GALM: variants seen among roughly 807,000 people sequenced by gnomAD.
GALM encodes the protein galactose mutarotase, also known as aldose 1-epimerase.
A neutral mutation model predicts 37.4 loss-of-function variants in GALM; 43 were observed. That is an observed-to-expected ratio of 1.15 (90% CI 0.90 to 1.48). The LOEUF (loss-of-function observed/expected upper bound fraction) is 1.48. GALM is among the 40% of genes most tolerant of loss of function. The probability of loss-of-function intolerance (pLI) is 0.00; values close to 1 mark genes in which losing one functional copy is unlikely to be tolerated. For synonymous variants in GALM, 199 were observed against 170.6 expected (o/e 1.17, Z -1.30); for missense variants, 456 against 419.1 (o/e 1.09, Z -0.77).
intron 1 of GALM, chr2:38,669,266 A>T (rs749704932): frequency 2.0e-5 from 3 of 152,350 alleles, no homozygotes; most frequent in East Asian, 3.9e-4. Flanking sequence ...CAGTTATGTT[A>T]TCTATAGATT....
intron 4 of GALM, among the ~76,000 whole-genome samples, chr2:38,704,348 C>G (rs1051518817): frequency 6.6e-6 from 1 of 151,910 alleles, no homozygotes; most frequent in African/African-American, 2.4e-5. Flanking sequence ...ACAGGCATGC[C>G]CCCATCATGC....
In GALM at chr2:38,733,631, G is replaced by C; in HGVS notation, c.*66G>C. On this transcript the variant is annotated 3_prime_UTR_variant, in exon 7 of 7. Transcript: ENST00000272252. ...CCACCTGTCTCCTGTCCAGAAAAAA[G>C]GTGAAGATTAAGAAGCTTTCAGAAT... is the stretch of plus-strand genomic sequence containing the variant. 8.6e-7 allele frequency: 1 copy of C among 1,163,328 alleles called. No individual in the cohort carries two copies. Among genetic ancestry groups the C allele is most frequent in the Non-Finnish European group, 1.3e-6 (1 of 771,230 alleles). The allele number at this position is 1,163,328 out of a possible 1,614,324, so 72.1% of individuals were successfully genotyped here.
At chr2:38,703,782 G>A (rs1327355781) in intron 4 of GALM, among the ~76,000 whole-genome samples, 1 of 152,164 alleles carries the variant, frequency 6.6e-6, no homozygotes, top group Non-Finnish European at 1.5e-5. Context: ...GGAGGCTGAG[G>A]TGGGCAGATT....
intron 4 of GALM, among the ~76,000 whole-genome samples, chr2:38,727,446 G>C (rs1001270641): frequency 6.6e-6 from 1 of 151,614 alleles, no homozygotes. Context: ...AAAAGAAATG[G>C]GGCCGGGTGC....
At chr2:38,702,960 A>AT (rs975593175) in intron 4 of GALM, among the ~76,000 whole-genome samples, 13 of 119,162 alleles carry the variant, frequency 1.1e-4, no homozygotes, top group South Asian at 2.7e-4. Context: ...AATATGTGTA[A>AT]TTTTTTTTTT....
At chr2:38,679,359 C>G (rs571136573) in intron 2 of GALM, among the ~76,000 whole-genome samples, 30 of 152,072 alleles carry the variant, frequency 2.0e-4, no homozygotes, top group African/African-American at 6.8e-4. Context: ...TCCCCACCGC[C>G]CCCGACACAC....
intron 3 of GALM, among the ~76,000 whole-genome samples, chr2:38,683,014 G>A (rs1665435301): frequency 6.6e-6 from 1 of 152,062 alleles, no homozygotes; most frequent in South Asian, 2.1e-4. Flanking sequence ...AGAAATAGAA[G>A]AAAGTATTGT....
chr2:38,731,846 TG>T lies in GALM; in HGVS notation c.889del (p.Val297SerfsTer29). The T allele has an allele frequency of 2.5e-6, 4 of 1,614,128 alleles. No homozygotes were observed. The highest frequency in any genetic ancestry group is 3.4e-6 in the Non-Finnish European group (4 of 1,180,000). On this transcript the variant is annotated frameshift_variant, in exon 6 of 7. Transcript: ENST00000272252. LOFTEE classifies it high-confidence loss of function. ...GCACATTAAAGGGCAAGAATGGAGC[TG>T]TCTATCCCAAGCACTCCGGTTTCTG... ...DGTLKGKNGA[V>X]YPKHSGFCLE... is the part of the protein sequence containing the mutation.
intron 4 of GALM, among the ~76,000 whole-genome samples, chr2:38,698,778 A>G (rs548595616): frequency 8.9e-4 from 136 of 152,134 alleles, no homozygotes; most frequent in Admixed American, 1.3e-3. Flanking sequence ...ATTTGTTTAT[A>G]TATTGTTTGT....
At chr2:38,727,897 G>A (rs1337578057) in intron 4 of GALM, among the ~76,000 whole-genome samples, 1 of 152,090 alleles carries the variant, frequency 6.6e-6, no homozygotes, top group Non-Finnish European at 1.5e-5. Context: ...TAAGGTACAA[G>A]TTCCTGCTTT....
In GALM at chr2:38,734,387, A is replaced by AG; in HGVS notation, c.*822_*823insG. ...CAACAGAGCAAAACTCGATCTCAAA[A>AG]AAAAAAAAAAAAAAAAGGAAAAAAA... On this transcript the variant is annotated 3_prime_UTR_variant, in exon 7 of 7. Transcript: ENST00000272252. 1 of 150,878 alleles carries AG rather than the reference A, an allele frequency of 6.6e-6. No homozygotes were observed. The highest frequency in any genetic ancestry group is 1.9e-4 in the East Asian group (1 of 5,142). 9.3% of individuals were successfully genotyped at this position (150,878 alleles called of 1,614,324 possible).
At chr2:38,689,224 A>G (rs1488185787) in intron 3 of GALM, among the ~76,000 whole-genome samples, 1 of 152,206 alleles carries the variant, frequency 6.6e-6, no homozygotes, top group Non-Finnish European at 1.5e-5. Flanking sequence ...GCCTTCTGAC[A>G]CTGACCAGTA....
chr2:38,730,904 G>A (rs1429444349), intron 5 of GALM, among the ~76,000 whole-genome samples: 1 of 143,294 alleles, frequency 7.0e-6, no homozygotes, highest in East Asian at 2.1e-4. Flanking sequence ...CTAGGCAACA[G>A]AGCAAAACTC....
intron 4 of GALM, among the ~76,000 whole-genome samples, chr2:38,709,791 T>C (rs1666112484): frequency 6.6e-6 from 1 of 152,228 alleles, no homozygotes; most frequent in Non-Finnish European, 1.5e-5. Flanking sequence ...ATCATCCTCT[T>C]TATGTTGTTT....
intron 4 of GALM, among the ~76,000 whole-genome samples, chr2:38,694,908 A>C (rs1028118791): frequency 1.2e-4 from 18 of 151,244 alleles, no homozygotes; most frequent in Non-Finnish European, 2.4e-4. Flanking sequence ...AAAAAAAAAA[A>C]AAAACAAAAA....
intron 4 of GALM, among the ~76,000 whole-genome samples, chr2:38,728,545 C>G (rs1178926370): frequency 6.6e-6 from 1 of 152,012 alleles, no homozygotes; most frequent in Non-Finnish European, 1.5e-5. Context: ...AATACAAAAG[C>G]ATGGTGGTGT....
intron 4 of GALM, among the ~76,000 whole-genome samples, chr2:38,718,249 G>A (rs1195497708): frequency 1.4e-5 from 2 of 143,590 alleles, no homozygotes; most frequent in Non-Finnish European, 3.0e-5. Context: ...GCCCAGGCTG[G>A]AGGGCAGTGG....
intron 4 of GALM, among the ~76,000 whole-genome samples, chr2:38,703,151 A>G (rs1291582938): frequency 9.6e-6 from 1 of 104,268 alleles, no homozygotes; most frequent in Non-Finnish European, 1.8e-5. Flanking sequence ...CTTGTTGCCC[A>G]GGCTGGATTG....
intron 6 of GALM, 147 bp from the exon 7 acceptor site, chr2:38,733,341 A>T: frequency 1.4e-6 from 1 of 719,830 alleles, no homozygotes; most frequent in Non-Finnish European, 2.5e-6. Context: ...AAAGTTCTTT[A>T]TCTCACTATG....
Sources: gnomAD v4.1 joint callset for allele counts (sites outside exome capture counted in the v4.1 genomes callset) on GRCh38, gnomAD v4.1.1 for gene constraint, MANE v1.5 for transcripts, NCBI Gene and HGNC (gene_info 2026-07-23, HGNC 2026-07-21) for gene names.